The following HIVEP3 variants were observed in gnomAD, a reference collection of about 807,000 sequenced individuals.
The protein encoded by HIVEP3 is HIVEP zinc finger 3, also known as transcription factor HIVEP3.
In HIVEP3, 49 loss-of-function variants were observed where a neutral mutation model predicts 152.8. That is an observed-to-expected ratio of 0.32 (90% confidence interval 0.26 to 0.41). HIVEP3 has a LOEUF of 0.41. Among genes scored for constraint, HIVEP3 ranks in the 10% least tolerant of loss-of-function variants. The pLI, the probability that HIVEP3 is intolerant of heterozygous loss-of-function variation, is 1.00. For missense variants in HIVEP3, 2,790 were observed against 3,103.3 expected (o/e 0.90, Z 2.40); for synonymous variants, 1,269 against 1,289.0 (o/e 0.98, Z 0.33).
intron 1 of HIVEP3, among the ~76,000 whole-genome samples, chr1:41,951,308 AAGAT>A (rs1645105150): frequency 6.6e-6 from 1 of 152,220 alleles, no homozygotes; most frequent in South Asian, 2.1e-4. Flanking sequence ...AAAGGCCAAA[AAGAT>A]AGCACACTGT....
intron 2 of HIVEP3, among the ~76,000 whole-genome samples, chr1:41,635,744 T>C (rs1224225168): frequency 6.6e-6 from 1 of 151,696 alleles, no homozygotes; most frequent in Non-Finnish European, 1.5e-5. Context: ...CTAGCAGTAA[T>C]AGGCAAAGTC....
intron 1 of HIVEP3, among the ~76,000 whole-genome samples, chr1:42,010,421 T>C (rs1329201964): frequency 6.6e-6 from 1 of 152,174 alleles, no homozygotes; most frequent in Non-Finnish European, 1.5e-5. Context: ...GTGTGTTTCC[T>C]TTGTAGTTAG....
intron 4 of HIVEP3, among the ~76,000 whole-genome samples, chr1:41,579,085 G>A (rs112079425): frequency 3.3e-5 from 5 of 152,336 alleles, no homozygotes; most frequent in South Asian, 2.1e-4. Context: ...CAATGAAAGC[G>A]TAAACATTAG....
chr1:41,595,716 T>C (rs993405436), intron 3 of HIVEP3, among the ~76,000 whole-genome samples: 10 of 152,112 alleles, frequency 6.6e-5, no homozygotes, highest in Non-Finnish European at 1.0e-4. Context: ...GTGGGCACCA[T>C]CTAATCAGCT....
At chr1:41,644,693 C>CTTTTTTTTTTTTTTTTTTTTTTTTTTT (rs60511656) in intron 2 of HIVEP3, among the ~76,000 whole-genome samples, 1 of 74,738 alleles carries the variant, frequency 1.3e-5, no homozygotes, top group Admixed American at 1.9e-4. Flanking sequence ...CATATCTGTT[C>CTTTTTTTTTTTTTTTTTTTTTTTTTTT]TTTTTTTTTT....
chr1:41,544,846 C>T (rs111214165), intron 5 of HIVEP3, among the ~76,000 whole-genome samples: 18 of 33,910 alleles, frequency 5.3e-4, no homozygotes, highest in Middle Eastern at 0.017. Context: ...ACCACCACTA[C>T]CACCACCACC....
rs576550330 is a variant in HIVEP3, at chr1:42,014,210, T to A, written n.119+21597A>T. On this transcript the variant is annotated intron_variant and non_coding_transcript_variant, in intron 1 of 3. Transcript: ENST00000489103. ...GAGCAGATACATGTCCCTTCCCAGC[T>A]GGTGGAGAGTCTGCCAGGTGGAAAG... Among the ~76,000 whole-genome samples the A allele has an allele frequency of 1.6e-3, 238 of 152,266 alleles. 3 individuals carry two copies. Among genetic ancestry groups the A allele is most frequent in the African/African-American group, 5.5e-3 (230 of 41,550 alleles).
chr1:41,824,784 T>TAGAGAGAGAGAG (rs397979993), intron 1 of HIVEP3, among the ~76,000 whole-genome samples: 42 of 11,302 alleles, frequency 3.7e-3, no homozygotes, highest in South Asian at 0.01. Flanking sequence ...TATATATATA[T>TAGAGAGAGAGAG]AGAGAGAGAG....
At chr1:41,820,291 T>C (rs948701510) in intron 1 of HIVEP3, among the ~76,000 whole-genome samples, 3 of 152,228 alleles carry the variant, frequency 2.0e-5, no homozygotes, top group African/African-American at 7.2e-5. Flanking sequence ...GTCAGAATTG[T>C]TACGCTTCAT....
At chr1:41,670,119 C>CA (rs574862884) in intron 2 of HIVEP3, among the ~76,000 whole-genome samples, 113 of 152,304 alleles carry the variant, frequency 7.4e-4, no homozygotes, top group Admixed American at 3.3e-3. Flanking sequence ...TGGGTCCTGG[C>CA]ACCCAGTAGG....
intron 2 of HIVEP3, among the ~76,000 whole-genome samples, chr1:41,659,896 C>T (rs533356970): frequency 2.0e-3 from 306 of 152,356 alleles, no homozygotes; most frequent in African/African-American, 7.1e-3. Flanking sequence ...GACAAGGGGA[C>T]ATCCCCATTG....
intron 2 of HIVEP3, among the ~76,000 whole-genome samples, chr1:41,652,393 CAT>C (rs1338484759): frequency 6.6e-6 from 1 of 152,166 alleles, no homozygotes; most frequent in African/African-American, 2.4e-5. Context: ...GAGAGGCAAT[CAT>C]AGCATGGAAT....
intron 2 of HIVEP3, among the ~76,000 whole-genome samples, chr1:41,649,544 G>C (rs75712302): frequency 1.3e-5 from 2 of 152,246 alleles, no homozygotes; most frequent in African/African-American, 2.4e-5. Context: ...AAGGAAATAA[G>C]TAATTTTCCC....
intron 1 of HIVEP3, among the ~76,000 whole-genome samples, chr1:41,991,862 G>A (rs1426661701): frequency 3.3e-5 from 4 of 122,950 alleles, no homozygotes; most frequent in Non-Finnish European, 5.0e-5. Flanking sequence ...ATCAATAAAT[G>A]TAATCCAGCA....
At chr1:42,028,718 A>G (rs1645595788) in intron 1 of HIVEP3, among the ~76,000 whole-genome samples, 1 of 152,236 alleles carries the variant, frequency 6.6e-6, no homozygotes, top group Admixed American at 6.5e-5. Context: ...GGGATCTTTA[A>G]TTAAAAACAA....
chr1:41,788,569 G>C (rs537933134), intron 1 of HIVEP3, among the ~76,000 whole-genome samples: 1 of 152,040 alleles, frequency 6.6e-6, no homozygotes, highest in Non-Finnish European at 1.5e-5. Flanking sequence ...CTGGGACCCG[G>C]GCAAGCCCAT....
At chr1:41,542,479 A>G (rs1397144985) in intron 5 of HIVEP3, 1 of 152,344 alleles carries the variant, frequency 6.6e-6, no homozygotes, top group African/African-American at 2.4e-5. Context: ...CTCACAGAGA[A>G]GATTCCTTTG....
chr1:41,612,271 C>T (rs1173175062), intron 3 of HIVEP3, among the ~76,000 whole-genome samples: 1 of 152,210 alleles, frequency 6.6e-6, no homozygotes, highest in Non-Finnish European at 1.5e-5. Flanking sequence ...CCCATTCTGC[C>T]TTCCCCTGGC....
intron 1 of HIVEP3, among the ~76,000 whole-genome samples, chr1:41,722,380 G>A (rs1293634431): frequency 2.0e-5 from 3 of 148,012 alleles, no homozygotes; most frequent in Non-Finnish European, 4.4e-5. Flanking sequence ...TGGACCTGGA[G>A]ATCAGCAAAA....
Sources: allele counts gnomAD v4.1 joint callset (sites outside exome capture counted in the v4.1 genomes callset), GRCh38; gene constraint gnomAD v4.1.1; transcripts MANE v1.5; gene names NCBI Gene and HGNC (gene_info 2026-07-23, HGNC 2026-07-21).